The following THAP6 variants were observed in gnomAD, a reference collection of about 807,000 sequenced individuals.
THAP6 encodes the protein THAP domain containing 6.
A neutral mutation model predicts 20.0 loss-of-function variants in THAP6; 13 were observed. The ratio of observed to expected loss-of-function variants is 0.65; its 90% CI spans 0.42 to 1.03. THAP6 has a LOEUF of 1.03. Ranked by LOEUF, THAP6 falls within the 50% of genes least tolerant of loss-of-function variation. The probability of loss-of-function intolerance (pLI) is 0.00; values close to 1 mark genes in which losing one functional copy is unlikely to be tolerated. For synonymous variants in THAP6, 93 were observed against 92.2 expected, an observed-to-expected ratio of 1.01 and a Z score of -0.05; for missense variants, 262 against 261.6, an observed-to-expected ratio of 1.00 and a Z score of -0.01.
At position 75,515,528 on chromosome 4, in the gene THAP6, CA is replaced by C; in HGVS notation, c.77del (p.His26ProfsTer15). ...PNSKLKGLTF[H>X]VFPTDENIKR... ...TTCGAAGTTAAAAGGACTGACATTTCACGTGTAAGATTTTGCTGTAGTTAAG... is the reference window on the plus strand; with the variant it reads ...TTCGAAGTTAAAAGGACTGACATTTCCGTGTAAGATTTTGCTGTAGTTAAG... On this transcript the variant is annotated frameshift_variant, in exon 2 of 5. Transcript: ENST00000311638. LOFTEE classifies it high-confidence loss of function. The C allele has an allele frequency of 6.2e-7, 1 of 1,613,630 alleles. No homozygotes were observed. Among genetic ancestry groups the C allele is most frequent in the Middle Eastern group, 1.7e-4 (1 of 6,060 alleles).
upstream of THAP6, chr4:75,514,432 C>G (rs943576341): frequency 1.1e-6 from 1 of 894,498 alleles, no homozygotes; most frequent in Non-Finnish European, 1.6e-6. Flanking sequence ...CCGGGGCAGA[C>G]GGATTTCCGG....
rs903656280 is a variant in THAP6, at chr4:75,515,309, TAGA to T, written c.-20-117_-20-115del. The T allele has an allele frequency of 8.6e-6, 7 of 810,294 alleles. No individual in the cohort carries two copies. The African/African-American group carries it at 1.0e-4, about 12-fold the overall frequency. 50.2% of individuals were successfully genotyped at this position (810,294 alleles called of 1,614,324 possible). ...ATGATGTAAGCAAAGCTGCAGGTGT[TAGA>T]AGAAGATATTTGTCTTTAGCTTTCT... On this transcript the variant is annotated intron_variant, in intron 1 of 4. Coordinates refer to ENST00000311638, the MANE Select transcript of THAP6 (RefSeq NM_144721.6).
intron 4 of THAP6, among the ~76,000 whole-genome samples, chr4:75,523,284 T>A (rs556463252): frequency 5.3e-5 from 8 of 152,364 alleles, no homozygotes; most frequent in African/African-American, 1.9e-4. Flanking sequence ...TTGCCCAGTA[T>A]TTAATCGAAT....
chr4:75,517,850 C>G (rs1332103930), intron 3 of THAP6: 1 of 152,236 alleles, frequency 6.6e-6, no homozygotes, highest in Non-Finnish European at 1.5e-5. Flanking sequence ...CTCAGTATCT[C>G]TCTTGACTTT....
At chr4:75,526,453 C>A (rs907642112) in intron 4 of THAP6, among the ~76,000 whole-genome samples, 4 of 152,054 alleles carry the variant, frequency 2.6e-5, no homozygotes, top group African/African-American at 9.7e-5. Flanking sequence ...TTAAGCATAA[C>A]CATAATAAAC....
intron 2 of THAP6, 78 bp downstream of exon 2, chr4:75,515,610 A>G (rs913213497): frequency 5.1e-5 from 73 of 1,438,762 alleles, no homozygotes; most frequent in Admixed American, 1.0e-4. Context: ...TAAGTCTTCA[A>G]TTTTGAACTT....
chr4:75,529,246 A>G lies in THAP6; in HGVS notation c.*2032A>G. On this transcript the variant is annotated 3_prime_UTR_variant, in exon 5 of 5. Coordinates refer to ENST00000311638, the MANE Select transcript of THAP6 (RefSeq NM_144721.6). ...AAAGTAAGACAATGGAGTAAGTAAG[A>G]GGGTAGATCCAAACACAGTATGTCT... 1 of 985,238 alleles carries G rather than the reference A, an allele frequency of 1.0e-6. No homozygotes were observed. Among genetic ancestry groups the G allele is most frequent in the Non-Finnish European group, 1.2e-6 (1 of 829,766 alleles). 61.0% of individuals were successfully genotyped at this position (985,238 alleles called of 1,614,324 possible).
intron 2 of THAP6, among the ~76,000 whole-genome samples, chr4:75,535,724 AGTACTAAGTACTAAG>A (rs1726831270): frequency 6.6e-6 from 1 of 152,234 alleles, no homozygotes; most frequent in Admixed American, 6.5e-5. Flanking sequence ...GTGCTTACTT[AGTACTAAGTACTAAG>A]GTACTTTTTG....
In THAP6 at chr4:75,529,013, G is replaced by A. The variant is rs367784116; in HGVS notation, c.*1799G>A. On this transcript the variant is annotated 3_prime_UTR_variant, in exon 5 of 5. Transcript: ENST00000311638. ...GATTGCAGTGAGCCAAGATCACGCC[G>A]TTGCACTCCAGCCTGAGCAACAGAG... 15 of 670,426 alleles carry A rather than the reference G, an allele frequency of 2.2e-5. No individual in the cohort carries two copies. Among genetic ancestry groups the A allele is most frequent in the East Asian group, 1.4e-4 (1 of 7,340 alleles). The allele number at this position is 670,426 out of a possible 1,614,324, so 41.5% of individuals were successfully genotyped here.
At chr4:75,531,222 T>C (rs2148826155), downstream of THAP6, among the ~76,000 whole-genome samples, 1 of 152,242 alleles carries the variant, frequency 6.6e-6, no homozygotes, top group Admixed American at 6.5e-5. Flanking sequence ...ATCTGTTAGG[T>C]AAAGGGGGGC....
chr4:75,529,927 A>G lies in THAP6; in HGVS notation c.*2713A>G. ...AGAAAAGGTGAAATGTATTTAATAT[A>G]TATTTAGTTTTAATAAAAAGATAAA... On this transcript the variant is annotated 3_prime_UTR_variant, in exon 5 of 5. Coordinates refer to ENST00000311638, the MANE Select transcript of THAP6 (RefSeq NM_144721.6). 5.6e-6 allele frequency: 5 copies of G among 886,752 alleles called. No homozygotes were observed. Among genetic ancestry groups the G allele is most frequent in the Non-Finnish European group, 6.8e-6 (5 of 740,068 alleles). The allele number at this position is 886,752 out of a possible 1,614,324, so 54.9% of individuals were successfully genotyped here. A position where few individuals can be genotyped will look rare whatever the true frequency, so the allele number is the denominator to read the frequency against.
intron 4 of THAP6, among the ~76,000 whole-genome samples, chr4:75,524,755 TTTTA>T (rs1347285812): frequency 6.6e-6 from 1 of 152,122 alleles, no homozygotes; most frequent in African/African-American, 2.4e-5. Flanking sequence ...TTTTTAAATT[TTTTA>T]TTTATTTATT....
chr4:75,537,032 C>T (rs1318316830), intron 2 of THAP6, among the ~76,000 whole-genome samples: 2 of 151,998 alleles, frequency 1.3e-5, no homozygotes, highest in Non-Finnish European at 2.9e-5. Flanking sequence ...TATTTATGCA[C>T]CTAATTAGAA....
chr4:75,529,243 A>G lies in THAP6; in HGVS notation c.*2029A>G. On this transcript the variant is annotated 3_prime_UTR_variant, in exon 5 of 5. Coordinates refer to ENST00000311638, the MANE Select transcript of THAP6 (RefSeq NM_144721.6). ...ATTAAAGTAAGACAATGGAGTAAGT[A>G]AGAGGGTAGATCCAAACACAGTATG... The G allele has an allele frequency of 1.0e-6, 1 of 985,174 alleles. No individual in the cohort carries two copies. Among genetic ancestry groups the G allele is most frequent in the Non-Finnish European group, 1.2e-6 (1 of 829,694 alleles). 61.0% of individuals were successfully genotyped at this position (985,174 alleles called of 1,614,324 possible).
chr4:75,545,962 G>C (rs1727119199), intron 3 of THAP6, among the ~76,000 whole-genome samples: 1 of 152,200 alleles, frequency 6.6e-6, no homozygotes, highest in Non-Finnish European at 1.5e-5. Context: ...ACTGCGTGTG[G>C]ACAGCTAGAA....
chr4:75,515,808 C>G (rs1363446997), intron 2 of THAP6, among the ~76,000 whole-genome samples: 1 of 152,112 alleles, frequency 6.6e-6, no homozygotes, highest in Non-Finnish European at 1.5e-5. Context: ...TTTATCACAC[C>G]GCCAAAGAAA....
In THAP6 at chr4:75,527,514, T is replaced by G; in HGVS notation, c.*300T>G. 3.4e-6 allele frequency: 4 copies of G among 1,171,210 alleles called. No individual in the cohort carries two copies. Among genetic ancestry groups the G allele is most frequent in the Non-Finnish European group, 4.2e-6 (4 of 945,074 alleles). The allele number at this position is 1,171,210 out of a possible 1,614,324, so 72.6% of individuals were successfully genotyped here. On this transcript the variant is annotated 3_prime_UTR_variant, in exon 5 of 5. Coordinates refer to ENST00000311638, the MANE Select transcript of THAP6 (RefSeq NM_144721.6). Reference sequence around the variant, plus strand: ...AGCTAAAGAAATGATGTCAAATTAGTCACATTAAGCTATAGTAGAAGGAAT... The same window carrying G: ...AGCTAAAGAAATGATGTCAAATTAGGCACATTAAGCTATAGTAGAAGGAAT...
chr4:75,513,998 G>A (rs1020933836), upstream of THAP6: 4 of 710,784 alleles, frequency 5.6e-6, no homozygotes, highest in East Asian at 5.8e-5. Flanking sequence ...TTGCTTTAAA[G>A]GTACGAAGCA....
At chr4:75,525,742 T>G (rs1343038506) in intron 4 of THAP6, among the ~76,000 whole-genome samples, 1 of 152,226 alleles carries the variant, frequency 6.6e-6, no homozygotes, top group Non-Finnish European at 1.5e-5. Flanking sequence ...GTACAGTTAG[T>G]TAGAAACTGT....
Sources: allele counts gnomAD v4.1 joint callset (sites outside exome capture counted in the v4.1 genomes callset), GRCh38; gene constraint gnomAD v4.1.1; transcripts MANE v1.5; gene names NCBI Gene and HGNC (gene_info 2026-07-23, HGNC 2026-07-21).